The following RIT2 variants were observed in gnomAD, a reference collection of about 807,000 sequenced individuals.
The protein encoded by RIT2 is Ras like without CAAX 2, also known as GTP-binding protein Rit2.
RIT2 carries 24 observed loss-of-function variants against 23.7 expected under a neutral mutation model. The observed-to-expected ratio is 1.01, with a 90% confidence interval of 0.73 to 1.43. The LOEUF is 1.43. Among genes scored for constraint, RIT2 ranks in the 40% most tolerant of loss-of-function variants. The pLI is 0.00. For synonymous variants in RIT2, 107 were observed against 91.1 expected (o/e 1.17, Z -0.99); for missense variants, 236 against 266.9 (o/e 0.88, Z 0.81).
intron 2 of RIT2, among the ~76,000 whole-genome samples, chr18:43,026,634 A>G (rs12970600): frequency 0.17 from 17,043 of 100,120 alleles, 1,521 homozygotes; most frequent in Non-Finnish European, 0.23. Context: ...GAAAGAAAGA[A>G]AGAGAGAAAG....
At chr18:42,759,162 A>G (rs187251739) in intron 4 of RIT2, among the ~76,000 whole-genome samples, 5 of 152,252 alleles carry the variant, frequency 3.3e-5, no homozygotes, top group East Asian at 3.9e-4. Context: ...TCAGGATTGC[A>G]ATAAGCTTAA....
At chr18:42,817,408 T>C (rs1472230695) in intron 4 of RIT2, among the ~76,000 whole-genome samples, 1 of 152,172 alleles carries the variant, frequency 6.6e-6, no homozygotes, top group Non-Finnish European at 1.5e-5. Context: ...TATCCAACAA[T>C]GTCTTTGAAT....
intron 4 of RIT2, among the ~76,000 whole-genome samples, chr18:42,835,881 C>T (rs930378727): frequency 6.6e-6 from 1 of 151,976 alleles, no homozygotes; most frequent in Non-Finnish European, 1.5e-5. Flanking sequence ...TTGATATTTG[C>T]CAAATATAAA....
At chr18:42,917,076 T>C (rs909918472) in intron 4 of RIT2, among the ~76,000 whole-genome samples, 2 of 152,158 alleles carry the variant, frequency 1.3e-5, no homozygotes, top group African/African-American at 4.8e-5. Flanking sequence ...AGGCTCTATG[T>C]AGCTGAGGCT....
chr18:42,861,968 C>T (rs1442718421), intron 4 of RIT2, among the ~76,000 whole-genome samples: 2 of 152,126 alleles, frequency 1.3e-5, no homozygotes, highest in Non-Finnish European at 2.9e-5. Context: ...CAATCCTAAT[C>T]CTACCTTCTA....
intron 4 of RIT2, among the ~76,000 whole-genome samples, chr18:42,748,771 A>G (rs1271540372): frequency 6.6e-6 from 1 of 151,958 alleles, no homozygotes; most frequent in Non-Finnish European, 1.5e-5. Context: ...GGGGAAAGGG[A>G]GGTAGGTGGA....
intron 4 of RIT2, among the ~76,000 whole-genome samples, chr18:42,817,687 T>G (rs11082299): frequency 0.23 from 34,832 of 151,956 alleles, 5,172 homozygotes; most frequent in African/African-American, 0.43. Flanking sequence ...TAGGGCCAAT[T>G]AAATTTGGGC....
intron 1 of RIT2, among the ~76,000 whole-genome samples, chr18:43,089,573 T>C (rs1913370176): frequency 9.5e-6 from 1 of 105,482 alleles, no homozygotes; most frequent in African/African-American, 3.2e-5. Flanking sequence ...GCCAAGACAA[T>C]CCTAAGCAAA....
chr18:43,109,483 C>A (rs888779073), intron 1 of RIT2, among the ~76,000 whole-genome samples: 3 of 152,292 alleles, frequency 2.0e-5, no homozygotes, highest in African/African-American at 7.2e-5. Context: ...CCTGTATACA[C>A]TGTTTATGTT....
intron 1 of RIT2, among the ~76,000 whole-genome samples, chr18:43,109,030 C>T (rs1272739506): frequency 6.6e-6 from 1 of 152,194 alleles, no homozygotes; most frequent in African/African-American, 2.4e-5. Flanking sequence ...CACTTGGTTG[C>T]TTGCCTTGAT....
intron 1 of RIT2, among the ~76,000 whole-genome samples, chr18:43,091,798 C>T (rs887627557): frequency 2.0e-5 from 3 of 152,010 alleles, no homozygotes; most frequent in Non-Finnish European, 4.4e-5. Context: ...TCTCTGCCTG[C>T]AATAATTGAG....
At chr18:43,087,805 C>T (rs1184219289) in intron 1 of RIT2, among the ~76,000 whole-genome samples, 1 of 151,938 alleles carries the variant, frequency 6.6e-6, no homozygotes, top group African/African-American at 2.4e-5. Flanking sequence ...CTCGGTGGTC[C>T]TTGGTGTGGT....
At chr18:42,948,166 T>C (rs949645827) in intron 3 of RIT2, among the ~76,000 whole-genome samples, 7 of 152,238 alleles carry the variant, frequency 4.6e-5, no homozygotes, top group Admixed American at 4.6e-4. Context: ...ATGCAGAGGA[T>C]ACTGAGACAT....
intron 1 of RIT2, among the ~76,000 whole-genome samples, chr18:43,056,982 GGA>G (rs755900908): frequency 2.0e-4 from 29 of 143,528 alleles, no homozygotes; most frequent in Non-Finnish European, 3.4e-4. Context: ...TGTGAGTTCT[GGA>G]AAAAATGAAA....
chr18:43,102,653 T>C (rs544134892), intron 1 of RIT2, among the ~76,000 whole-genome samples: 7 of 152,010 alleles, frequency 4.6e-5, no homozygotes, highest in Non-Finnish European at 8.8e-5. Flanking sequence ...TATTTATTTA[T>C]TTATTATTTT....
At chr18:42,783,543 A>ATT (rs11460196) in intron 4 of RIT2, among the ~76,000 whole-genome samples, 1 of 151,862 alleles carries the variant, frequency 6.6e-6, no homozygotes, top group African/African-American at 2.4e-5. Flanking sequence ...AAAAATGTTG[A>ATT]TTTTTTAAGT....
intron 4 of RIT2, among the ~76,000 whole-genome samples, chr18:42,801,047 A>AAAAAAGC (rs1905527251): frequency 6.6e-6 from 1 of 152,176 alleles, no homozygotes; most frequent in African/African-American, 2.4e-5. Context: ...AGAAACAATA[A>AAAAAAGC]AAAAAGCAAA....
chr18:43,005,279 T>G (rs4505422), intron 2 of RIT2, among the ~76,000 whole-genome samples: 144,764 of 151,844 alleles, frequency 0.95, 69,376 homozygotes, highest in East Asian at 1. Flanking sequence ...GTAAAGTTGA[T>G]TTACAAAAAT....
chr18:42,920,266 C>T (rs961551529), intron 4 of RIT2, among the ~76,000 whole-genome samples: 1 of 152,130 alleles, frequency 6.6e-6, no homozygotes, highest in African/African-American at 2.4e-5. Context: ...TGTAGGCCAA[C>T]CATAAGACAC....
Sources: allele counts gnomAD v4.1 joint callset (sites outside exome capture counted in the v4.1 genomes callset), GRCh38; gene constraint gnomAD v4.1.1; transcripts MANE v1.5; gene names NCBI Gene and HGNC (gene_info 2026-07-23, HGNC 2026-07-21).